The following PEDS1 variants were observed in gnomAD, a reference collection of about 807,000 sequenced individuals.
The protein encoded by PEDS1 is CarF homolog.
A neutral mutation model predicts 35.2 loss-of-function variants in PEDS1; 14 were observed. The observed-to-expected ratio is 0.40, with a 90% CI of 0.26 to 0.62. PEDS1 has a LOEUF of 0.62. Ranked by LOEUF, PEDS1 falls within the 20% of genes least tolerant of loss-of-function variation. The pLI is 0.44. For missense variants in PEDS1, 260 were observed against 367.8 expected, an observed-to-expected ratio of 0.71 and a Z score of 2.40; for synonymous variants, 152 against 152.0, an observed-to-expected ratio of 1.00 and a Z score of 0.00.
intron 2 of PEDS1, among the ~76,000 whole-genome samples, chr20:50,138,941 G>C (rs1284809572): frequency 6.6e-6 from 1 of 152,150 alleles, no homozygotes; most frequent in Non-Finnish European, 1.5e-5. Context: ...TTTCCCCAGA[G>C]GTCACCCAGC....
chr20:50,123,068 G>A lies in PEDS1; in HGVS notation c.*1990C>T, dbSNP rs2081064770. ...CTCACCTCTGCACTTTAGCCTGGGT[G>A]ACAGAGCATGACCCTGTCTCTAAAA... On this transcript the variant is annotated 3_prime_UTR_variant, in exon 6 of 6. Coordinates refer to ENST00000371652, the MANE Select transcript of PEDS1 (RefSeq NM_199129.4). 6.6e-6 allele frequency: 1 copy of A among 152,154 alleles called. No homozygotes were observed. The highest frequency in any genetic ancestry group is 2.1e-4 in the South Asian group (1 of 4,818). The allele number at this position is 152,154 out of a possible 1,614,324, so 9.4% of individuals were successfully genotyped here.
intron 2 of PEDS1, among the ~76,000 whole-genome samples, chr20:50,133,515 G>A (rs1296164779): frequency 6.6e-6 from 1 of 152,128 alleles, no homozygotes; most frequent in Admixed American, 6.5e-5. Flanking sequence ...GCTCTGGTCT[G>A]GGCAGTCTTG....
intron 1 of PEDS1, among the ~76,000 whole-genome samples, chr20:50,149,434 C>T (rs548951899): frequency 2.4e-4 from 36 of 152,258 alleles, no homozygotes; most frequent in Admixed American, 6.5e-4. Flanking sequence ...CTGGGACCTC[C>T]TGGGAAGCTG....
chr20:50,131,651 C>T (rs1490480643), intron 2 of PEDS1, among the ~76,000 whole-genome samples: 1 of 151,928 alleles, frequency 6.6e-6, no homozygotes, highest in Admixed American at 6.6e-5. Flanking sequence ...ACCTTACCTG[C>T]AGATAGAAGC....
At chr20:50,145,311 C>T (rs2081334497) in intron 1 of PEDS1, among the ~76,000 whole-genome samples, 1 of 152,156 alleles carries the variant, frequency 6.6e-6, no homozygotes, top group Non-Finnish European at 1.5e-5. Flanking sequence ...GAGAGGATTG[C>T]TTGAGCCCAG....
intron 1 of PEDS1, 43 bp from the exon 2 acceptor site, chr20:50,143,664 G>A (rs1303872101): frequency 3.1e-6 from 5 of 1,609,344 alleles, no homozygotes; most frequent in Non-Finnish European, 4.2e-6. Flanking sequence ...GAAGGTCAAG[G>A]CCAGGCAGAG....
chr20:50,138,986 G>A (rs779989253), intron 2 of PEDS1, among the ~76,000 whole-genome samples: 2 of 152,150 alleles, frequency 1.3e-5, no homozygotes, highest in South Asian at 4.1e-4. Context: ...CCACCTCAAA[G>A]GCCTGGCGTG....
chr20:50,129,730 G>C lies in PEDS1; in HGVS notation c.334-40C>G. On this transcript the variant is annotated intron_variant, in intron 3 of 5. Transcript: ENST00000371652. This position sits in a 1 kb window ranked among gnomAD's most constrained non-coding sequence, Gnocchi z 4.2. ...GACACAGCCCCAGCAGTCAGCCTAA[G>C]GTGGTCAGCTGCTCTCCACAGCCCC... 1 of 1,609,368 alleles carries C rather than the reference G, an allele frequency of 6.2e-7. No individual in the cohort carries two copies. The highest frequency in any genetic ancestry group is 8.5e-7 in the Non-Finnish European group (1 of 1,178,196).
chr20:50,120,693 G>C lies in PEDS1; in HGVS notation c.*4365C>G, dbSNP rs1167876944. 6.6e-6 allele frequency: 1 copy of C among 152,104 alleles called. No individual in the cohort carries two copies. The highest frequency in any genetic ancestry group is 1.5e-5 in the Non-Finnish European group (1 of 68,102). The allele number at this position is 152,104 out of a possible 1,614,324, so 9.4% of individuals were successfully genotyped here. Reference sequence around the variant, plus strand: ...CTACAAAAAATACAAAAAGAAACTAGCTGGGGGTGGTGGCACATGTCTGTC... The same window carrying C: ...CTACAAAAAATACAAAAAGAAACTACCTGGGGGTGGTGGCACATGTCTGTC... On this transcript the variant is annotated 3_prime_UTR_variant, in exon 6 of 6. Coordinates refer to ENST00000371652, the MANE Select transcript of PEDS1 (RefSeq NM_199129.4).
chr20:50,138,641 C>A (rs1195836630), intron 2 of PEDS1, among the ~76,000 whole-genome samples: 2 of 152,214 alleles, frequency 1.3e-5, no homozygotes, highest in African/African-American at 4.8e-5. Context: ...AGGAGCCCTC[C>A]CCCTGGCTCC....
In PEDS1 at chr20:50,129,571, G is replaced by A; in HGVS notation, c.453C>T (p.Ala151=). 6.2e-7 allele frequency: 1 copy of A among 1,614,136 alleles called. No individual in the cohort carries two copies. Among genetic ancestry groups the A allele is most frequent in the East Asian group, 2.2e-5 (1 of 44,882 alleles). ...CAGGGCTGTGGGTGCGGAACTTGTA[G>A]GCCATGTTTAGCAGCGGCAGCAGTG... ...LVTLLPLLNM[A]YKFRTHSPEA... The change falls in exon 4 of 6, where the codon GCC becomes GCT. Residue 151 remains alanine (A), a synonymous_variant. Transcript: ENST00000371652. The surrounding 1 kb of genome is among the most constrained non-coding windows in gnomAD (Gnocchi z 4.2).
chr20:50,146,709 T>A (rs994964526), intron 1 of PEDS1, among the ~76,000 whole-genome samples: 1 of 152,118 alleles, frequency 6.6e-6, no homozygotes, highest in African/African-American at 2.4e-5. Flanking sequence ...ACACCAGGGT[T>A]ACATGCCCTT....
At chr20:50,141,770 G>A (rs1012883986) in intron 2 of PEDS1, among the ~76,000 whole-genome samples, 4 of 152,210 alleles carry the variant, frequency 2.6e-5, no homozygotes, top group African/African-American at 4.8e-5. Context: ...GCTCCTGCCT[G>A]GGCTTCCCAG....
chr20:50,136,483 G>A (rs577999659), intron 2 of PEDS1, among the ~76,000 whole-genome samples: 2 of 152,236 alleles, frequency 1.3e-5, no homozygotes, highest in South Asian at 4.1e-4. Context: ...AGCACTTTGA[G>A]AGGCCAAGGC....
chr20:50,131,094 T>C, intron 2 of PEDS1, 147 bp from the exon 3 acceptor site: 23 of 1,549,722 alleles, frequency 1.5e-5, no homozygotes, highest in Non-Finnish European at 2.0e-5. Context: ...TCCCTGAAGA[T>C]GGAGCCTCAG....
At chr20:50,127,826 T>C (rs113804565) in intron 5 of PEDS1, 149 bp downstream of exon 5, 3 of 1,119,622 alleles carry the variant, frequency 2.7e-6, no homozygotes, top group Non-Finnish European at 3.8e-6. Context: ...TGGCACACAG[T>C]AGGTGCTCAA....
At chr20:50,126,701 C>G (rs1015889803) in intron 5 of PEDS1, among the ~76,000 whole-genome samples, 3 of 152,190 alleles carry the variant, frequency 2.0e-5, no homozygotes, top group African/African-American at 7.2e-5. Flanking sequence ...TTAGACTTGA[C>G]AGCACCTGAT....
At chr20:50,138,863 G>A (rs949255524) in intron 2 of PEDS1, among the ~76,000 whole-genome samples, 1 of 152,208 alleles carries the variant, frequency 6.6e-6, no homozygotes, top group Non-Finnish European at 1.5e-5. Flanking sequence ...GATGGGAGAC[G>A]GCTCACCCCA....
chr20:50,147,796 T>C (rs1432030890), intron 1 of PEDS1, among the ~76,000 whole-genome samples: 1 of 152,230 alleles, frequency 6.6e-6, no homozygotes, highest in Admixed American at 6.5e-5. Flanking sequence ...GGCTCATGCC[T>C]GTAATCCCAG....
Sources: gnomAD v4.1 joint callset for allele counts (sites outside exome capture counted in the v4.1 genomes callset) on GRCh38, gnomAD v4.1.1 for gene constraint, Gnocchi (gnomAD v3.1) non-coding constraint, MANE v1.5 for transcripts, NCBI Gene and HGNC (gene_info 2026-07-23, HGNC 2026-07-21) for gene names.